The following FRAS1 variants were observed in gnomAD, a reference collection of about 807,000 sequenced individuals.
FRAS1 encodes Fraser extracellular matrix complex subunit 1, also known as extracellular matrix organizing protein FRAS1.
Under a neutral mutation model 435.2 loss-of-function variants are expected in FRAS1, and 290 were observed. The ratio of observed to expected loss-of-function variants is 0.67; its 90% CI spans 0.61 to 0.73. FRAS1 has a LOEUF of 0.73. Ranked by LOEUF, FRAS1 falls within the 30% of genes least tolerant of loss-of-function variation. FRAS1 has a pLI of 0.00. For synonymous variants in FRAS1, 1,800 were observed against 1,851.0 expected, an observed-to-expected ratio of 0.97 and a Z score of 0.71; for missense variants, 4,860 against 5,001.5, an observed-to-expected ratio of 0.97 and a Z score of 0.85.
At chr4:78,198,039 T>G (rs1198115074) in intron 2 of FRAS1, among the ~76,000 whole-genome samples, 1 of 152,188 alleles carries the variant, frequency 6.6e-6, no homozygotes, top group Non-Finnish European at 1.5e-5. Context: ...CACCCACCTC[T>G]GATTTCAGCT....
intron 2 of FRAS1, among the ~76,000 whole-genome samples, chr4:78,117,294 C>G (rs927091976): frequency 6.6e-6 from 1 of 152,142 alleles, no homozygotes; most frequent in Non-Finnish European, 1.5e-5. Context: ...TTTGGTGAAT[C>G]GGACAATTAT....
chr4:78,144,451 AGTGTGT>A (rs144059150), intron 2 of FRAS1, among the ~76,000 whole-genome samples: 81 of 146,590 alleles, frequency 5.5e-4, no homozygotes, highest in Admixed American at 2.9e-3. Context: ...TTTTAAAATA[AGTGTGT>A]GTGTGTGTGT....
chr4:78,074,496 G>C (rs968065707), intron 2 of FRAS1, among the ~76,000 whole-genome samples: 2 of 152,264 alleles, frequency 1.3e-5, no homozygotes, highest in East Asian at 3.9e-4. Context: ...GTTAGACCCT[G>C]TGATTGGATC....
intron 59 of FRAS1, among the ~76,000 whole-genome samples, chr4:78,495,284 A>G (rs937271317): frequency 7.3e-5 from 6 of 82,736 alleles, no homozygotes; most frequent in African/African-American, 1.7e-4. Context: ...ATTTATTACC[A>G]TTGAGTATGG....
At chr4:78,175,551 A>C (rs1414318707) in intron 2 of FRAS1, among the ~76,000 whole-genome samples, 1 of 152,170 alleles carries the variant, frequency 6.6e-6, no homozygotes, top group Non-Finnish European at 1.5e-5. Context: ...AGGGCAGGGC[A>C]TTGTATAGGG....
chr4:78,479,650 TTAGTGGTC>T lies in FRAS1; in HGVS notation c.8376_8383del (p.Ser2793GlnfsTer17). 1 of 1,613,540 alleles carries T rather than the reference TTAGTGGTC, an allele frequency of 6.2e-7. No homozygotes were observed. Among genetic ancestry groups the T allele is most frequent in the African/African-American group, 1.3e-5 (1 of 75,056 alleles). The stretch of plus-strand genomic sequence containing the variant: ...AGGGTGGCGACAGCCAAGGTGCTCA[TTAGTGGTC>T]CCAACGATGCCTCGACTGTGTCCCT... On this transcript the variant is annotated frameshift_variant, in exon 56 of 74. Transcript: ENST00000512123. LOFTEE classifies it high-confidence loss of function.
At chr4:78,167,209 T>C (rs1354089211) in intron 2 of FRAS1, among the ~76,000 whole-genome samples, 1 of 152,214 alleles carries the variant, frequency 6.6e-6, no homozygotes, top group Non-Finnish European at 1.5e-5. Context: ...CAAATTATCT[T>C]TCAGCAGTTA....
chr4:78,073,563 G>A (rs1297233087), intron 2 of FRAS1, among the ~76,000 whole-genome samples: 2 of 151,988 alleles, frequency 1.3e-5, no homozygotes, highest in Non-Finnish European at 2.9e-5. Context: ...TAACTACAAA[G>A]TACATACATA....
At chr4:78,160,373 A>G (rs1328689382) in intron 2 of FRAS1, among the ~76,000 whole-genome samples, 1 of 152,234 alleles carries the variant, frequency 6.6e-6, no homozygotes, top group Non-Finnish European at 1.5e-5. Flanking sequence ...ATCTATTGCC[A>G]ACATATCAAA....
At chr4:78,377,431 A>C (rs1480614072) in intron 26 of FRAS1, among the ~76,000 whole-genome samples, 1 of 152,230 alleles carries the variant, frequency 6.6e-6, no homozygotes, top group Non-Finnish European at 1.5e-5. Flanking sequence ...AAGTAGTCCC[A>C]CTGAAACTTG....
At chr4:78,113,018 C>T (rs960402081) in intron 2 of FRAS1, among the ~76,000 whole-genome samples, 2 of 152,112 alleles carry the variant, frequency 1.3e-5, no homozygotes, top group Non-Finnish European at 2.9e-5. Context: ...TGATGTTCCC[C>T]TTCCTATGTC....
At chr4:78,386,052 G>T (rs1344002231) in intron 28 of FRAS1, among the ~76,000 whole-genome samples, 1 of 152,158 alleles carries the variant, frequency 6.6e-6, no homozygotes, top group Non-Finnish European at 1.5e-5. Flanking sequence ...AAAGATCAAA[G>T]GTAGATATTG....
At chr4:78,504,060 A>G (rs547401313) in intron 61 of FRAS1, among the ~76,000 whole-genome samples, 1 of 152,268 alleles carries the variant, frequency 6.6e-6, no homozygotes, top group South Asian at 2.1e-4. Flanking sequence ...TGTTAATTTG[A>G]TTACACTGTG....
intron 49 of FRAS1, 116 bp downstream of exon 49, chr4:78,464,699 G>A: frequency 9.0e-7 from 1 of 1,110,836 alleles, no homozygotes; most frequent in East Asian, 2.5e-5. Flanking sequence ...GTGAGTGCAA[G>A]CATCCTTGAA....
chr4:78,387,715 C>T lies in FRAS1; in HGVS notation c.3975+14C>T, dbSNP rs779196926. ...ACCGTGCCTCAGGTAGGTGTCATTC[C>T]TAGAGTTACAGTTTCTTTGCACCTA... is the stretch of plus-strand genomic sequence containing the variant. On this transcript the variant is annotated intron_variant, in intron 29 of 73. Transcript: ENST00000512123. 6.8e-7 allele frequency: 1 copy of T among 1,477,660 alleles called. No homozygotes were observed. The highest frequency in any genetic ancestry group is 2.2e-5 in the Admixed American group (1 of 44,568). The allele number at this position is 1,477,660 out of a possible 1,614,324, so 91.5% of individuals were successfully genotyped here.
At chr4:78,367,266 A>C (rs1731307529) in intron 22 of FRAS1, among the ~76,000 whole-genome samples, 1 of 152,118 alleles carries the variant, frequency 6.6e-6, no homozygotes, top group Admixed American at 6.5e-5. Flanking sequence ...TAAGCTGGGC[A>C]TGGTGGCATG....
intron 2 of FRAS1, among the ~76,000 whole-genome samples, chr4:78,162,826 A>C (rs541218809): frequency 6.6e-6 from 1 of 152,228 alleles, no homozygotes; most frequent in African/African-American, 2.4e-5. Flanking sequence ...GTTGTTAGAC[A>C]TGGTTTTAAT....
At chr4:78,508,187 C>A (rs1199042900) in intron 62 of FRAS1, among the ~76,000 whole-genome samples, 2 of 152,162 alleles carry the variant, frequency 1.3e-5, no homozygotes, top group Non-Finnish European at 2.9e-5. Context: ...GAGGAAAACA[C>A]CTAGAGGTTG....
At chr4:78,290,948 T>C (rs1201255759) in intron 14 of FRAS1, among the ~76,000 whole-genome samples, 1 of 151,460 alleles carries the variant, frequency 6.6e-6, no homozygotes, top group Admixed American at 6.6e-5. Flanking sequence ...GTATTTTTAA[T>C]AGAGACAGGG....
Sources: allele counts gnomAD v4.1 joint callset (sites outside exome capture counted in the v4.1 genomes callset), GRCh38; gene constraint gnomAD v4.1.1; transcripts MANE v1.5; gene names NCBI Gene and HGNC (gene_info 2026-07-23, HGNC 2026-07-21).